The following DST variants were observed in gnomAD, a reference collection of about 807,000 sequenced individuals.
DST encodes the protein dystonin, also known as bullous pemphigoid antigen.
Under a neutral mutation model 875.2 loss-of-function variants are expected in DST, and 253 were observed. The ratio of observed to expected loss-of-function variants is 0.29; its 90% confidence interval spans 0.26 to 0.32. The LOEUF is 0.32. DST is among the 10% of genes least tolerant of loss of function. The pLI is 1.00. For synonymous variants in DST, 3,124 were observed against 3,197.1 expected (o/e 0.98, Z 0.77); for missense variants, 8,287 against 9,111.6 (o/e 0.91, Z 3.68).
chr6:56,824,707 AAG>A (rs1343686207), intron 4 of DST, among the ~76,000 whole-genome samples: 2 of 149,928 alleles, frequency 1.3e-5, no homozygotes, highest in Non-Finnish European at 3.0e-5. Context: ...CCCATCTGAG[AAG>A]TGAGGAGACC....
At chr6:56,703,472 A>G (rs2099319410) in intron 7 of DST, among the ~76,000 whole-genome samples, 176 bp downstream of exon 7, 1 of 152,204 alleles carries the variant, frequency 6.6e-6, no homozygotes, top group African/African-American at 2.4e-5. Flanking sequence ...TAATTTAAAG[A>G]GAAAATATTT....
At chr6:56,785,254 A>G (rs1306384179) in intron 4 of DST, among the ~76,000 whole-genome samples, 1 of 152,234 alleles carries the variant, frequency 6.6e-6, no homozygotes, top group African/African-American at 2.4e-5. Context: ...GCTGTCAGAC[A>G]GGGACATTTA....
Position 56,580,725 on chromosome 6 carries a change from C to CTT in DST, c.12904-1790_12904-1789dup, listed in dbSNP as rs1167715487. On this transcript the variant is annotated intron_variant, in intron 49 of 103. Transcript: ENST00000680361. ...AGGTAATTAGCGGAATTTACTTTTT[C>CTT]TTTTTTTTTTTTTTTTTTGGTTGGG... Among the ~76,000 whole-genome samples the CTT allele has an allele frequency of 2.1e-3, 250 of 121,016 alleles. 3 individuals are homozygous for CTT. Among genetic ancestry groups the CTT allele is most frequent in the South Asian group, 0.019 (68 of 3,554 alleles). The allele number at this position is 121,016 out of a possible 152,430, so 79.4% of individuals were successfully genotyped here.
intron 36 of DST, chr6:56,618,874 T>G (rs1373544130): frequency 6.2e-7 from 1 of 1,614,174 alleles, no homozygotes; most frequent in South Asian, 1.1e-5. Context: ...GTAATTCGTC[T>G]TGTACTTTTT....
intron 3 of DST, among the ~76,000 whole-genome samples, chr6:56,887,953 C>CTT (rs34720092): frequency 5.0e-5 from 7 of 139,462 alleles, no homozygotes; most frequent in Admixed American, 7.2e-5. Context: ...TAAATGAAAT[C>CTT]TTTTTTTTTT....
chr6:56,733,950 G>C (rs2099513061), intron 5 of DST, among the ~76,000 whole-genome samples: 1 of 152,150 alleles, frequency 6.6e-6, no homozygotes, highest in African/African-American at 2.4e-5. Flanking sequence ...AAACTTTTAA[G>C]AATTATTTAA....
intron 5 of DST, among the ~76,000 whole-genome samples, chr6:56,727,473 A>G (rs979085915): frequency 3.3e-5 from 5 of 152,208 alleles, no homozygotes; most frequent in Non-Finnish European, 5.9e-5. Context: ...ATGATTTAGA[A>G]TATGTTAGCA....
chr6:56,942,344 T>C (rs1817036719), intron 2 of DST, among the ~76,000 whole-genome samples: 2 of 152,098 alleles, frequency 1.3e-5, no homozygotes, highest in African/African-American at 2.4e-5. Flanking sequence ...TAGATTTAGG[T>C]CTATTATTTT....
At position 56,601,566 on chromosome 6, in the gene DST, T is replaced by C. The variant is rs1421798635; in HGVS notation, c.11418A>G (p.Lys3806=). The C allele has an allele frequency of 4.7e-5, 75 of 1,603,334 alleles. 1 individual carries two copies. In the Admixed American group the frequency reaches 1.3e-3, roughly 27 times the overall value. ...TTGTATTTAAGAGCCTCAGCAGTTG[T>C]TTGCTTTGGTTGGGAGACAGATCCT... ...YAQDLSPNQS[K]QLLRLLNTTQ... The change falls in exon 44 of 104, where the codon AAA becomes AAG. Residue 3806 remains lysine, a synonymous_variant. Coordinates refer to ENST00000680361, the MANE Select transcript of DST (RefSeq NM_001374736.1).
intron 36 of DST, 113 bp downstream of exon 36, chr6:56,624,417 T>TC (rs764738487): frequency 2.7e-6 from 2 of 741,792 alleles, no homozygotes; most frequent in Non-Finnish European, 4.9e-6. Flanking sequence ...GTACATCTGC[T>TC]ACCGGCCACA....
intron 4 of DST, among the ~76,000 whole-genome samples, chr6:56,837,066 A>G (rs2099794649): frequency 6.6e-6 from 1 of 152,116 alleles, no homozygotes; most frequent in South Asian, 2.1e-4. Context: ...AGGATTCACA[A>G]CAAACAGACT....
At chr6:56,469,765 T>C in intron 97 of DST, 118 bp downstream of exon 97, 1 of 842,662 alleles carries the variant, frequency 1.2e-6, no homozygotes, top group South Asian at 1.6e-5. Flanking sequence ...CCATTAAATT[T>C]TGACATGAGG....
intron 49 of DST, among the ~76,000 whole-genome samples, chr6:56,585,606 C>G (rs1252256385): frequency 1.3e-5 from 2 of 152,094 alleles, no homozygotes; most frequent in African/African-American, 2.4e-5. Context: ...CAGTTCTGCT[C>G]TGACTTTCGT....
At chr6:56,896,805 G>A (rs1210769284) in intron 3 of DST, among the ~76,000 whole-genome samples, 1 of 152,140 alleles carries the variant, frequency 6.6e-6, no homozygotes, top group Non-Finnish European at 1.5e-5. Context: ...ACTTTCTGAT[G>A]GGACTGTTTG....
At chr6:56,821,394 C>T (rs901288704) in intron 4 of DST, among the ~76,000 whole-genome samples, 1 of 152,170 alleles carries the variant, frequency 6.6e-6, no homozygotes, top group Non-Finnish European at 1.5e-5. Context: ...TCAAGACTCA[C>T]CCTATGTGTT....
chr6:56,871,588 A>C, intron 3 of DST: 31 of 844,706 alleles, frequency 3.7e-5, no homozygotes, highest in Non-Finnish European at 5.5e-5. Context: ...TACAGAGCTC[A>C]TGGTTGGATT....
At chr6:56,797,847 G>C (rs1045134678) in intron 4 of DST, among the ~76,000 whole-genome samples, 3 of 148,334 alleles carry the variant, frequency 2.0e-5, no homozygotes, top group African/African-American at 7.4e-5. Context: ...AGCTACTCCA[G>C]TGAATACATG....
At chr6:56,851,334 G>T in intron 4 of DST, 63 bp downstream of exon 4, 1 of 1,482,898 alleles carries the variant, frequency 6.7e-7, no homozygotes, top group Non-Finnish European at 9.2e-7. Flanking sequence ...CCCCCAGGAG[G>T]TAGATGGGCG....
chr6:56,674,063 T>C (rs905000546), intron 9 of DST, among the ~76,000 whole-genome samples: 9 of 152,238 alleles, frequency 5.9e-5, no homozygotes, highest in African/African-American at 2.2e-4. Context: ...ATCCCTGATC[T>C]GAAATCTGTG....
Sources: gnomAD v4.1 joint callset for allele counts (sites outside exome capture counted in the v4.1 genomes callset) on GRCh38, gnomAD v4.1.1 for gene constraint, MANE v1.5 for transcripts, NCBI Gene and HGNC (gene_info 2026-07-23, HGNC 2026-07-21) for gene names.